The following KCTD17 variants were observed in gnomAD, a reference collection of about 807,000 sequenced individuals.
KCTD17 encodes the protein potassium channel tetramerization domain containing 17.
A neutral mutation model predicts 41.5 loss-of-function variants in KCTD17; 20 were observed. The ratio of observed to expected loss-of-function variants is 0.48; its 90% CI spans 0.34 to 0.70. The LOEUF (loss-of-function observed/expected upper bound fraction) is 0.70, where lower values mean the gene tolerates loss of function less well. KCTD17 is among the 30% of genes least tolerant of loss of function. The pLI is 0.01. For missense variants in KCTD17, 317 were observed against 427.2 expected, an observed-to-expected ratio of 0.74 and a Z score of 2.27; for synonymous variants, 156 against 173.8, an observed-to-expected ratio of 0.90 and a Z score of 0.80.
chr22:37,059,279 C>A (rs200992863), intron 4 of KCTD17, 34 bp from the exon 5 acceptor site: 1 of 1,608,994 alleles, frequency 6.2e-7, no homozygotes, highest in African/African-American at 1.3e-5. Context: ...CCAACACCAA[C>A]CTGCATTTTT....
rs1318449627 is a variant in KCTD17 at position 37,053,041 on chromosome 22, C to T, written c.190-59C>T. 12 of 1,341,972 alleles carry T rather than the reference C, an allele frequency of 8.9e-6. No homozygotes were observed. Among genetic ancestry groups the T allele is most frequent in the Admixed American group, 2.0e-5 (1 of 50,638 alleles). 83.1% of individuals were successfully genotyped at this position (1,341,972 alleles called of 1,614,324 possible). On this transcript the variant is annotated intron_variant, in intron 1 of 8. Coordinates refer to ENST00000403888, the MANE Select transcript of KCTD17 (RefSeq NM_001282684.2). This position sits in a 1 kb window ranked among gnomAD's most constrained non-coding sequence, Gnocchi z 4.1. ...CTCTCCTTCCCTCCCTGTGCGTGTGCGGGGTTGGCTGGGGAGAAGCCTCAC... is the reference window on the plus strand; with the variant it reads ...CTCTCCTTCCCTCCCTGTGCGTGTGTGGGGTTGGCTGGGGAGAAGCCTCAC...
intron 1 of KCTD17, chr22:37,052,307 C>A (rs1924586671): frequency 8.2e-6 from 3 of 364,936 alleles, no homozygotes. Flanking sequence ...GCTACTTCTC[C>A]CGCTCTTTGG....
Position 37,061,273 on chromosome 22 carries a change from C to T in KCTD17, c.784+98C>T. On this transcript the variant is annotated intron_variant, in intron 7 of 8. Transcript: ENST00000403888. This position sits in a 1 kb window ranked among gnomAD's most constrained non-coding sequence, Gnocchi z 6.6. ...CCTGTCCGGGTTTTCTCTCTGCCTG[C>T]TCACGCCTCCATCCCGGGTCTGCCC... The T allele has an allele frequency of 1.3e-6, 2 of 1,538,758 alleles. No individual in the cohort carries two copies. Among genetic ancestry groups the T allele is most frequent in the Non-Finnish European group, 1.7e-6 (2 of 1,145,160 alleles).
chr22:37,056,077 C>T (rs572934396), intron 2 of KCTD17, among the ~76,000 whole-genome samples: 1 of 152,272 alleles, frequency 6.6e-6, no homozygotes, highest in Admixed American at 6.5e-5. Context: ...CTGGCAGGTA[C>T]CCCTGGGTCA....
intron 2 of KCTD17, 26 bp from the exon 3 acceptor site, chr22:37,056,294 C>G: frequency 6.2e-7 from 1 of 1,601,540 alleles, no homozygotes; most frequent in South Asian, 1.1e-5. Flanking sequence ...GAAGGAGTGA[C>G]CTGGGATCTG....
Position 37,051,939 on chromosome 22 carries a change from A to G in KCTD17, c.179A>G (p.Gln60Arg). ...CGCCTGTGCCAGGGGGAAGAGCTGC[A>G]GTCGGACCGGGTGAGGCCCCCGGGG... ...LSRLCQGEEL[Q>R]SDRDETGAYL... The change falls in exon 1 of 9, where the codon CAG becomes CGG. Residue 60 changes from glutamine to arginine, a missense_variant. Gln to Arg is a conservative substitution (Grantham distance 43, BLOSUM62 1). This residue lies in a region of KCTD17 where 99 missense variants were observed against 166.5 expected (regional missense o/e 0.59). Coordinates refer to ENST00000403888, the MANE Select transcript of KCTD17 (RefSeq NM_001282684.2). 6.7e-7 allele frequency: 1 copy of G among 1,490,368 alleles called. No homozygotes were observed. The highest frequency in any genetic ancestry group is 8.9e-7 in the Non-Finnish European group (1 of 1,119,928). The allele number at this position is 1,490,368 out of a possible 1,614,324, so 92.3% of individuals were successfully genotyped here.
At chr22:37,057,358 G>C (rs1343622215) in intron 3 of KCTD17, 40 bp from the exon 4 acceptor site, 1 of 1,547,952 alleles carries the variant, frequency 6.5e-7, no homozygotes, top group Admixed American at 1.7e-5. Flanking sequence ...GGTGCCTGGT[G>C]CTCCCACAGG....
At chr22:37,062,175 A>G in intron 8 of KCTD17, 1 of 985,282 alleles carries the variant, frequency 1.0e-6, no homozygotes, top group Non-Finnish European at 1.2e-6. Context: ...CTGGGGCATC[A>G]GTGCCTCTCC....
chr22:37,052,207 C>G, intron 1 of KCTD17: 2 of 469,466 alleles, frequency 4.3e-6, no homozygotes, highest in South Asian at 5.9e-5. Flanking sequence ...CGGGGCCTCT[C>G]CTTCTCCTTT....
At chr22:37,052,367 G>C (rs1012471983) in intron 1 of KCTD17, 2 of 380,100 alleles carry the variant, frequency 5.3e-6, no homozygotes, top group African/African-American at 4.2e-5. Flanking sequence ...GAGGAGCCCT[G>C]GGGCGCCTTC....
In KCTD17 at chr22:37,057,463, C is replaced by T. The variant is rs17852879; in HGVS notation, c.456C>T (p.Ser152=). Residue 152 remains serine, a synonymous_variant, in exon 4 of 9, where the codon TCC becomes TCT. Transcript: ENST00000403888. Reference sequence around the variant, plus strand: ...AGGAGGAGCTCACGCAAATGGTCTCCACCATGTCTGATGGCTGGCGCTTCG... The same window carrying T: ...AGGAGGAGCTCACGCAAATGGTCTCTACCATGTCTGATGGCTGGCGCTTCG... ...CQEEELTQMV[S]TMSDGWRFEQ... 1.2e-6 allele frequency: 2 copies of T among 1,613,012 alleles called. No individual in the cohort carries two copies. Among genetic ancestry groups the T allele is most frequent in the Non-Finnish European group, 1.7e-6 (2 of 1,179,866 alleles).
chr22:37,052,357 G>C, intron 1 of KCTD17: 1 of 371,344 alleles, frequency 2.7e-6, no homozygotes, highest in South Asian at 2.0e-5. Flanking sequence ...TAGCTGGATG[G>C]AGGAGCCCTG....
chr22:37,052,095 A>C, intron 1 of KCTD17, 146 bp downstream of exon 1: 3 of 384,220 alleles, frequency 7.8e-6, no homozygotes, highest in East Asian at 1.1e-4. Flanking sequence ...CGGCAGGAGG[A>C]GGGGAGGGGG....
At position 37,057,483 on chromosome 22, in the gene KCTD17, G is replaced by A. The variant is rs1414588666; in HGVS notation, c.476G>A (p.Arg159His). Residue 159 changes from arginine (R) to histidine (H), a missense_variant, in exon 4 of 9, where the codon CGC becomes CAC. Physicochemically the swap from Arg to His is conservative, Grantham distance 29. Transcript: ENST00000403888. ...QMVSTMSDGW[R>H]FEQLVNIGSS... Reference sequence around the variant, plus strand: ...GTCTCCACCATGTCTGATGGCTGGCGCTTCGAGCAGGTGCGCTGGGGACAG... The same window carrying A: ...GTCTCCACCATGTCTGATGGCTGGCACTTCGAGCAGGTGCGCTGGGGACAG... The A allele has an allele frequency of 2.5e-6, 4 of 1,611,164 alleles. No homozygotes were observed. Among genetic ancestry groups the A allele is most frequent in the Admixed American group, 1.7e-5 (1 of 60,006 alleles).
chr22:37,061,667 G>C lies in KCTD17; in HGVS notation c.875+38G>C. On this transcript the variant is annotated intron_variant, in intron 8 of 8. Coordinates refer to ENST00000403888, the MANE Select transcript of KCTD17 (RefSeq NM_001282684.2). The surrounding 1 kb of genome is among the most constrained non-coding windows in gnomAD (Gnocchi z 6.6). ...GCGGTGCTGGAGGGAGGGGTGGAGC[G>C]AGGAGGGTGCTCATCTCTTGATCCT... 1 of 1,559,648 alleles carries C rather than the reference G, an allele frequency of 6.4e-7. No individual in the cohort carries two copies. The highest frequency in any genetic ancestry group is 1.2e-5 in the South Asian group (1 of 86,058).
intron 2 of KCTD17, among the ~76,000 whole-genome samples, chr22:37,054,590 T>C (rs1924879535): frequency 6.6e-6 from 1 of 152,108 alleles, no homozygotes; most frequent in Non-Finnish European, 1.5e-5. Flanking sequence ...ACTAGCTGTG[T>C]GACACTGAGA....
chr22:37,061,895 G>A lies in KCTD17; in HGVS notation c.875+266G>A, dbSNP rs111832378. ...CCCTGGCCAAGTCCCTGCACATCCA[G>A]GAGCTCCTGTGTCACTGCCTTGTGG... On this transcript the variant is annotated intron_variant, in intron 8 of 8. Transcript: ENST00000403888. The surrounding 1 kb of genome is among the most constrained non-coding windows in gnomAD (Gnocchi z 6.6). 0.025 allele frequency: 24,786 copies of A among 985,418 alleles called. 344 individuals carry two copies. The highest frequency in any genetic ancestry group is 0.028 in the Non-Finnish European group (22,955 of 829,920). 61.0% of individuals were successfully genotyped at this position (985,418 alleles called of 1,614,324 possible). A position where few individuals can be genotyped will look rare whatever the true frequency, so the allele number is the denominator to read the frequency against.
At chr22:37,058,760 G>C (rs1343279546) in intron 4 of KCTD17, among the ~76,000 whole-genome samples, 3 of 152,246 alleles carry the variant, frequency 2.0e-5, no homozygotes, top group African/African-American at 7.2e-5. Context: ...GGTGTCTTTG[G>C]CAATTGCACA....
chr22:37,059,557 C>T (rs970594859), intron 5 of KCTD17, 119 bp downstream of exon 5: 3 of 1,212,768 alleles, frequency 2.5e-6, no homozygotes, highest in African/African-American at 1.5e-5. Context: ...ACCGCCCATG[C>T]ACAACCCCAT....
Sources: gnomAD v4.1 joint callset for allele counts (sites outside exome capture counted in the v4.1 genomes callset) on GRCh38, gnomAD v4.1.1 for gene constraint, gnomAD v4.1.1 regional missense constraint, Gnocchi (gnomAD v3.1) non-coding constraint, MANE v1.5 for transcripts, NCBI Gene and HGNC (gene_info 2026-07-23, HGNC 2026-07-21) for gene names.